CAST: variants seen among roughly 807,000 people sequenced by gnomAD.
The protein encoded by CAST is calpastatin.
Under a neutral mutation model 119.6 loss-of-function variants are expected in CAST, and 76 were observed. The observed-to-expected ratio is 0.64, with a 90% CI of 0.53 to 0.77. The LOEUF is 0.77. CAST is among the 30% of genes least tolerant of loss of function. CAST has a pLI of 0.00. For missense variants in CAST, 953 were observed against 946.5 expected (o/e 1.01, Z -0.09); for synonymous variants, 319 against 331.6 (o/e 0.96, Z 0.41).
At chr5:96,744,737 G>T (rs1388821281) in intron 16 of CAST, among the ~76,000 whole-genome samples, 1 of 152,060 alleles carries the variant, frequency 6.6e-6, no homozygotes. Flanking sequence ...GCTCAGGAAG[G>T]TCACTGTCAG....
At chr5:96,068,917 C>A in the CAST span, among the ~76,000 whole-genome samples, 1 of 143,932 alleles carries the variant, frequency 6.9e-6, no homozygotes, top group Non-Finnish European at 1.5e-5. Context: ...ACATATGGCT[C>A]TTGGTTTACA....
chr5:96,060,588 T>C, the CAST span, among the ~76,000 whole-genome samples: 1 of 152,106 alleles, frequency 6.6e-6, no homozygotes, highest in Admixed American at 6.6e-5. Flanking sequence ...GAACATTTCT[T>C]CTACCTGTTA....
At chr5:96,474,103 T>A in the CAST span, among the ~76,000 whole-genome samples, 1 of 152,056 alleles carries the variant, frequency 6.6e-6, no homozygotes, top group Non-Finnish European at 1.5e-5. Flanking sequence ...GCCATGTGGA[T>A]CAGTTAGGGC....
the CAST span, among the ~76,000 whole-genome samples, chr5:96,328,891 C>A: frequency 2.0e-5 from 3 of 152,324 alleles, no homozygotes; most frequent in African/African-American, 7.2e-5. Flanking sequence ...GATTCCCTTT[C>A]TCCTTAGCCC....
chr5:96,089,301 T>C, the CAST span, among the ~76,000 whole-genome samples: 2 of 152,156 alleles, frequency 1.3e-5, no homozygotes, highest in Non-Finnish European at 2.9e-5. Context: ...AATTTTGTTA[T>C]GTTTATCAAT....
At chr5:96,053,864 T>A in the CAST span, among the ~76,000 whole-genome samples, 1 of 152,234 alleles carries the variant, frequency 6.6e-6, no homozygotes, top group Non-Finnish European at 1.5e-5. Flanking sequence ...TGAGCTTAGT[T>A]GGTAAAAATA....
the CAST span, among the ~76,000 whole-genome samples, chr5:96,054,555 C>G: frequency 6.6e-6 from 1 of 152,088 alleles, no homozygotes; most frequent in South Asian, 2.1e-4. Flanking sequence ...GTAGGTTTTG[C>G]TTTTAATTCT....
At chr5:96,024,793 G>A in the CAST span, among the ~76,000 whole-genome samples, 1 of 152,120 alleles carries the variant, frequency 6.6e-6, no homozygotes, top group African/African-American at 2.4e-5. Flanking sequence ...AAGAAAAGAA[G>A]TGCATATTTT....
At chr5:96,393,305 C>T in the CAST span, 1 of 1,614,048 alleles carries the variant, frequency 6.2e-7, no homozygotes, top group Non-Finnish European at 8.5e-7. Flanking sequence ...ATCCCTCCGG[C>T]CCCCTACGCT....
intron 1 of CAST, among the ~76,000 whole-genome samples, chr5:96,647,821 C>T (rs929898312): frequency 2.0e-5 from 3 of 152,118 alleles, no homozygotes; most frequent in Non-Finnish European, 4.4e-5. Flanking sequence ...GATTCGTAAC[C>T]TCCAGAGCTG....
At chr5:95,977,967 G>C in the CAST span, among the ~76,000 whole-genome samples, 8 of 151,612 alleles carry the variant, frequency 5.3e-5, no homozygotes, top group Non-Finnish European at 8.8e-5. Flanking sequence ...TCCTGCAAAG[G>C]ACAGGATCTT....
the CAST span, among the ~76,000 whole-genome samples, chr5:96,028,543 A>C: frequency 6.6e-6 from 1 of 151,980 alleles, no homozygotes; most frequent in Non-Finnish European, 1.5e-5. Context: ...TGAAAAAATG[A>C]CCCCAAATTT....
chr5:96,774,637 T>TAATC lies in CAST; in HGVS notation c.*2024_*2027dup. The TAATC allele has an allele frequency of 1.0e-6, 1 of 985,266 alleles. No homozygotes were observed. The highest frequency in any genetic ancestry group is 1.2e-6 in the Non-Finnish European group (1 of 829,668). 61.0% of individuals were successfully genotyped at this position (985,266 alleles called of 1,614,324 possible). On this transcript the variant is annotated 3_prime_UTR_variant, in exon 32 of 32. Coordinates refer to ENST00000675179, the MANE Select transcript of CAST (RefSeq NM_001750.7). ...GAAAATCAATATTTCCATGTTTCAT[T>TAATC]AATCAAGGCATAAAATACAATTAAA...
chr5:96,432,230 G>T, the CAST span: 1 of 1,008,630 alleles, frequency 9.9e-7, no homozygotes, highest in Non-Finnish European at 1.5e-6. Context: ...GAGTCGCGGG[G>T]ATAGATGGTC....
chr5:96,264,500 G>A, the CAST span, among the ~76,000 whole-genome samples: 1 of 152,158 alleles, frequency 6.6e-6, no homozygotes, highest in Non-Finnish European at 1.5e-5. Flanking sequence ...CTGAGTTTGT[G>A]GGAATGACAT....
the CAST span, among the ~76,000 whole-genome samples, chr5:96,511,125 A>G: frequency 2.0e-5 from 3 of 152,182 alleles, no homozygotes; most frequent in African/African-American, 7.2e-5. Context: ...CAAAAAACAC[A>G]TACAAAAAAA....
At chr5:96,759,191 T>A (rs1230995462) in intron 24 of CAST, among the ~76,000 whole-genome samples, 1 of 152,056 alleles carries the variant, frequency 6.6e-6, no homozygotes, top group Non-Finnish European at 1.5e-5. Context: ...GAGAACCAAA[T>A]AATCAAAATA....
intron 3 of CAST, among the ~76,000 whole-genome samples, chr5:96,701,180 G>A (rs948527148): frequency 2.6e-4 from 40 of 152,048 alleles, no homozygotes; most frequent in African/African-American, 9.2e-4. Flanking sequence ...CACTTGCCTC[G>A]GCCTCCCAAA....
the CAST span, among the ~76,000 whole-genome samples, chr5:96,186,240 C>T: frequency 6.6e-6 from 1 of 152,112 alleles, no homozygotes; most frequent in Non-Finnish European, 1.5e-5. Flanking sequence ...GCTTAAGAAG[C>T]TTTTGGGCTG....
Sources: allele counts gnomAD v4.1 joint callset (sites outside exome capture counted in the v4.1 genomes callset), GRCh38; gene constraint gnomAD v4.1.1; transcripts MANE v1.5; gene names NCBI Gene and HGNC (gene_info 2026-07-23, HGNC 2026-07-21).